The following NELL2 variants were observed in gnomAD, a reference collection of about 807,000 sequenced individuals.
NELL2 encodes protein kinase C-binding protein NELL2.
In NELL2, 41 loss-of-function variants were observed where a neutral mutation model predicts 109.6. The observed-to-expected ratio is 0.37, with a 90% CI of 0.29 to 0.49. The LOEUF is 0.49. Ranked by LOEUF, NELL2 falls within the 20% of genes least tolerant of loss-of-function variation. The pLI is 0.98. For missense variants in NELL2, 900 were observed against 1,008.3 expected (o/e 0.89, Z 1.45); for synonymous variants, 355 against 344.7 (o/e 1.03, Z -0.33).
chr12:44,582,956 C>T (rs1301935435), intron 15 of NELL2, among the ~76,000 whole-genome samples: 2 of 152,080 alleles, frequency 1.3e-5, no homozygotes, highest in African/African-American at 4.8e-5. Flanking sequence ...CTCTTGTGCT[C>T]ACTTGCCCTT....
chr12:44,527,879 G>A (rs1012342305), intron 16 of NELL2, among the ~76,000 whole-genome samples: 2 of 151,902 alleles, frequency 1.3e-5, no homozygotes, highest in Non-Finnish European at 2.9e-5. Flanking sequence ...GGATCACGAG[G>A]TCAGGAGACT....
chr12:44,683,703 T>A (rs1467005211), intron 12 of NELL2, among the ~76,000 whole-genome samples: 1 of 152,176 alleles, frequency 6.6e-6, no homozygotes, highest in Non-Finnish European at 1.5e-5. Flanking sequence ...TTTGGTTCTG[T>A]TTATATGCTG....
intron 2 of NELL2, among the ~76,000 whole-genome samples, chr12:44,866,812 G>T (rs201803983): frequency 6.6e-6 from 1 of 151,934 alleles, no homozygotes; most frequent in East Asian, 1.9e-4. Context: ...TGATACCACA[G>T]AAATACAAAA....
intron 2 of NELL2, among the ~76,000 whole-genome samples, chr12:44,820,451 A>G (rs868360243): frequency 6.6e-6 from 1 of 152,048 alleles, no homozygotes; most frequent in African/African-American, 2.4e-5. Flanking sequence ...TACTAAAAGT[A>G]CAAAAAAATT....
At chr12:44,854,452 A>C (rs1356519926) in intron 2 of NELL2, among the ~76,000 whole-genome samples, 1 of 152,178 alleles carries the variant, frequency 6.6e-6, no homozygotes, top group Non-Finnish European at 1.5e-5. Context: ...AGAGAGATGA[A>C]AAAGAGGATG....
chr12:44,654,597 C>T (rs1325525347), intron 13 of NELL2, among the ~76,000 whole-genome samples: 2 of 152,188 alleles, frequency 1.3e-5, no homozygotes, highest in Non-Finnish European at 2.9e-5. Context: ...AACCAGATTC[C>T]TGACCCACAG....
chr12:44,631,905 G>A (rs6582510), intron 13 of NELL2, among the ~76,000 whole-genome samples: 26,034 of 151,818 alleles, frequency 0.17, 3,432 homozygotes, highest in African/African-American at 0.37. Context: ...TATCTTATGA[G>A]TATATGCAAA....
At chr12:44,811,649 G>A (rs560204956) in intron 3 of NELL2, among the ~76,000 whole-genome samples, 3 of 152,122 alleles carry the variant, frequency 2.0e-5, no homozygotes, top group Admixed American at 1.3e-4. Flanking sequence ...GTCTCCATCA[G>A]TTCCTACCTT....
At chr12:44,606,848 T>C (rs374322283) in intron 15 of NELL2, among the ~76,000 whole-genome samples, 1 of 152,146 alleles carries the variant, frequency 6.6e-6, no homozygotes, top group African/African-American at 2.4e-5. Context: ...AATATAGTCA[T>C]ATAGATTCCA....
intron 12 of NELL2, among the ~76,000 whole-genome samples, 167 bp from the exon 13 acceptor site, chr12:44,665,776 A>C (rs1947906323): frequency 6.6e-6 from 1 of 152,248 alleles, no homozygotes; most frequent in African/African-American, 2.4e-5. Context: ...AATGACAAAA[A>C]TCATGAGTTT....
intron 6 of NELL2, 46 bp from the exon 7 acceptor site, chr12:44,777,170 G>T (rs1941787909): frequency 6.2e-7 from 1 of 1,608,514 alleles, no homozygotes. Context: ...TTTATAAGGG[G>T]TTCAATCTGG....
At chr12:44,581,413 G>A (rs979311882) in intron 15 of NELL2, among the ~76,000 whole-genome samples, 1 of 152,150 alleles carries the variant, frequency 6.6e-6, no homozygotes, top group Non-Finnish European at 1.5e-5. Context: ...ATCTGTTAAA[G>A]ATCTTATTAC....
intron 15 of NELL2, among the ~76,000 whole-genome samples, chr12:44,576,439 T>A (rs2136202883): frequency 6.6e-6 from 1 of 152,312 alleles, no homozygotes; most frequent in Non-Finnish European, 1.5e-5. Flanking sequence ...TTGTGTTGAA[T>A]AATTATCATC....
At chr12:44,764,235 C>T (rs1190100479) in intron 9 of NELL2, among the ~76,000 whole-genome samples, 1 of 152,106 alleles carries the variant, frequency 6.6e-6, no homozygotes, top group Non-Finnish European at 1.5e-5. Context: ...AGTGTGTTTT[C>T]TCTATTCTTT....
rs572136767 is a variant in NELL2 at position 44,584,614 on chromosome 12, C to T, written c.1663+22555G>A. On this transcript the variant is annotated intron_variant, in intron 15 of 19. Coordinates refer to ENST00000429094, the MANE Select transcript of NELL2 (RefSeq NM_001145108.2). The stretch of plus-strand genomic sequence containing the variant: ...TTTTACTGATTCCATTTCTAGTCCC[C>T]AAATATCTCATTCTTAGAATTCATT... Among the ~76,000 whole-genome samples the T allele has an allele frequency of 4.9e-3, 740 of 152,284 alleles. 6 individuals are homozygous for T. The highest frequency in any genetic ancestry group is 0.015 in the African/African-American group (631 of 41,558).
intron 13 of NELL2, among the ~76,000 whole-genome samples, chr12:44,616,395 G>A (rs1391494403): frequency 1.3e-5 from 2 of 151,834 alleles, no homozygotes; most frequent in Admixed American, 1.3e-4. Context: ...GTGTTTTCTG[G>A]AATATAAATT....
intron 1 of NELL2, among the ~76,000 whole-genome samples, chr12:44,899,140 G>A (rs1455057556): frequency 6.6e-6 from 1 of 152,124 alleles, no homozygotes; most frequent in Non-Finnish European, 1.5e-5. Flanking sequence ...ACATTTGACT[G>A]GTGTACTTGA....
At chr12:44,602,428 T>C (rs1945255033) in intron 15 of NELL2, among the ~76,000 whole-genome samples, 1 of 152,202 alleles carries the variant, frequency 6.6e-6, no homozygotes, top group Admixed American at 6.5e-5. Flanking sequence ...TAATTCCAAA[T>C]TGTCTTTATT....
chr12:44,680,650 T>C (rs1157657292), intron 12 of NELL2, among the ~76,000 whole-genome samples: 1 of 152,108 alleles, frequency 6.6e-6, no homozygotes, highest in African/African-American at 2.4e-5. Context: ...CCAGCACCAA[T>C]TTCCTAACTG....
Sources: allele counts gnomAD v4.1 joint callset (sites outside exome capture counted in the v4.1 genomes callset), GRCh38; gene constraint gnomAD v4.1.1; transcripts MANE v1.5; gene names NCBI Gene and HGNC (gene_info 2026-07-23, HGNC 2026-07-21).